The following SERGEF variants were observed in gnomAD, a reference collection of about 807,000 sequenced individuals.
SERGEF encodes the protein secretion regulating guanine nucleotide exchange factor, also known as secretion-regulating guanine nucleotide exchange factor.
A neutral mutation model predicts 50.0 loss-of-function variants in SERGEF; 51 were observed. The ratio of observed to expected loss-of-function variants is 1.02; its 90% CI spans 0.81 to 1.29. SERGEF has a LOEUF of 1.29. Among genes scored for constraint, SERGEF ranks in the 50% most tolerant of loss-of-function variants. The probability of loss-of-function intolerance (pLI) is 0.00; values close to 1 mark genes in which losing one functional copy is unlikely to be tolerated. For synonymous variants in SERGEF, 205 were observed against 212.4 expected (o/e 0.97, Z 0.30); for missense variants, 521 against 557.0 (o/e 0.94, Z 0.65).
Position 18,002,733 on chromosome 11 carries a change from T to A in SERGEF, c.447+1708A>T, listed in dbSNP as rs1195103211. Among the ~76,000 whole-genome samples, 9 of 152,324 alleles carry A rather than the reference T, an allele frequency of 5.9e-5. No homozygotes were observed. In the East Asian group the frequency reaches 1.7e-3, roughly 29 times the overall value. On this transcript the variant is annotated intron_variant, in intron 4 of 10. Coordinates refer to ENST00000265965, the MANE Select transcript of SERGEF (RefSeq NM_012139.4). ...ATGTGCCTATCATGTCCTACCAAAC[T>A]ATAAAACTCTCAACTGCTAGGACAG...
chr11:17,872,720 C>CTT (rs1851164669), intron 10 of SERGEF, among the ~76,000 whole-genome samples: 2 of 152,052 alleles, frequency 1.3e-5, no homozygotes, highest in Admixed American at 1.3e-4. Context: ...TAACAAAAGA[C>CTT]TAGAAATTAC....
intron 8 of SERGEF, among the ~76,000 whole-genome samples, chr11:17,969,642 T>C (rs1223152599): frequency 6.6e-6 from 1 of 152,094 alleles, no homozygotes; most frequent in African/African-American, 2.4e-5. Context: ...ACACAGTATG[T>C]TTTGGTAGAA....
chr11:17,999,431 T>C lies in SERGEF; in HGVS notation c.508+1066A>G, dbSNP rs191042377. ...TCAAAATAAAAAGTTGAATTTTTTT[T>C]GAAGTATAATCAATGCTAAGCCCAG... On this transcript the variant is annotated intron_variant, in intron 5 of 10. Transcript: ENST00000265965. 2.5e-5 allele frequency: 7 copies of C among 285,492 alleles called. No individual in the cohort carries two copies. In the Admixed American group the frequency reaches 3.6e-4, roughly 14 times the overall value. 17.7% of individuals were successfully genotyped at this position (285,492 alleles called of 1,614,324 possible).
intron 7 of SERGEF, among the ~76,000 whole-genome samples, 175 bp downstream of exon 7, chr11:17,992,756 C>T (rs556946362): frequency 2.6e-4 from 39 of 152,262 alleles, no homozygotes; most frequent in Non-Finnish European, 5.3e-4. Context: ...CTTTTACAGA[C>T]AAGAAGATGG....
intron 9 of SERGEF, among the ~76,000 whole-genome samples, chr11:17,895,112 T>G (rs1012222569): frequency 6.6e-6 from 1 of 152,204 alleles, no homozygotes; most frequent in African/African-American, 2.4e-5. Flanking sequence ...CAGCAGAGCT[T>G]GGCTGGGCCA....
At chr11:17,919,573 G>T (rs1156908953) in intron 9 of SERGEF, among the ~76,000 whole-genome samples, 1 of 152,156 alleles carries the variant, frequency 6.6e-6, no homozygotes, top group African/African-American at 2.4e-5. Flanking sequence ...TAGTGAAATG[G>T]AAGAGCAAGA....
chr11:17,880,439 A>G (rs2133900334), intron 9 of SERGEF, among the ~76,000 whole-genome samples: 1 of 152,340 alleles, frequency 6.6e-6, no homozygotes, highest in Admixed American at 6.5e-5. Flanking sequence ...CTGATGGACT[A>G]ATATGCAGCC....
At position 17,819,760 on chromosome 11, in the gene SERGEF, T is replaced by C. The variant is rs560238853; in HGVS notation, c.1049-31347A>G. The stretch of plus-strand genomic sequence containing the variant: ...AGACCTTCCCAGTTGTAGGCAAGCA[T>C]AGGAGCCCCTCACACATCAAAGAAC... On this transcript the variant is annotated intron_variant, in intron 10 of 10. Transcript: ENST00000265965. Among the ~76,000 whole-genome samples the C allele has an allele frequency of 3.3e-5, 5 of 152,366 alleles. No individual in the cohort carries two copies. The South Asian group carries it at 1.0e-3, about 32-fold the overall frequency.
At chr11:17,859,582 G>A (rs1850888662) in intron 10 of SERGEF, among the ~76,000 whole-genome samples, 1 of 152,070 alleles carries the variant, frequency 6.6e-6, no homozygotes, top group African/African-American at 2.4e-5. Context: ...GACTGAGAAG[G>A]CTCAATAAAT....
chr11:17,805,637 T>C (rs1849746222), intron 10 of SERGEF, among the ~76,000 whole-genome samples: 1 of 152,212 alleles, frequency 6.6e-6, no homozygotes. Context: ...ACTCCAAGCC[T>C]AGTATTCTTT....
At chr11:17,825,926 A>G (rs1182122969) in intron 10 of SERGEF, among the ~76,000 whole-genome samples, 1 of 152,200 alleles carries the variant, frequency 6.6e-6, no homozygotes, top group African/African-American at 2.4e-5. Flanking sequence ...TAAGAGAAAG[A>G]GTATGGGTTT....
At chr11:17,939,885 A>G (rs1468675558) in intron 9 of SERGEF, among the ~76,000 whole-genome samples, 1 of 152,212 alleles carries the variant, frequency 6.6e-6, no homozygotes, top group Non-Finnish European at 1.5e-5. Context: ...TCCCTTTCTC[A>G]GTCTAATGAA....
At chr11:18,012,634 C>A (rs1854220089) in intron 1 of SERGEF, 1 of 1,185,288 alleles carries the variant, frequency 8.4e-7, no homozygotes, top group African/African-American at 1.6e-5. Flanking sequence ...GCGCTGTCTT[C>A]CAGGCGCTAT....
chr11:17,789,170 G>A (rs946817701), intron 10 of SERGEF, among the ~76,000 whole-genome samples: 1 of 152,154 alleles, frequency 6.6e-6, no homozygotes, highest in Non-Finnish European at 1.5e-5. Flanking sequence ...TTCCATTCCA[G>A]TTGTCGCTCA....
Position 18,006,680 on chromosome 11 carries a change from T to C in SERGEF, c.263A>G (p.Asp88Gly), listed in dbSNP as rs370026540. ...TTTGCAGGGGGTAAAATATGGGATA[T>C]CCTCTGTGTGACCAAGCCCCAGTTG... ...DGQLGLGHTE[D>G]IPYFTPCKSL... is the part of the protein sequence containing the mutation. The change falls in exon 3 of 11, where the codon GAT (aspartate) becomes GGT (glycine). Residue 88 changes from aspartate (D) to glycine (G), a missense_variant. Transcript: ENST00000265965. 4 of 1,614,156 alleles carry C rather than the reference T, an allele frequency of 2.5e-6. No homozygotes were observed. The highest frequency in any genetic ancestry group is 3.4e-6 in the Non-Finnish European group (4 of 1,180,026).
chr11:17,997,638 G>A (rs1225402412), intron 5 of SERGEF, among the ~76,000 whole-genome samples: 1 of 152,176 alleles, frequency 6.6e-6, no homozygotes, highest in African/African-American at 2.4e-5. Flanking sequence ...AATGTCCATT[G>A]ACAGATGAAT....
At chr11:17,961,552 C>T (rs534972511) in intron 8 of SERGEF, among the ~76,000 whole-genome samples, 3 of 152,338 alleles carry the variant, frequency 2.0e-5, no homozygotes, top group South Asian at 4.1e-4. Context: ...CATCTTAGAG[C>T]TTTCCTGTTA....
intron 9 of SERGEF, among the ~76,000 whole-genome samples, chr11:17,910,409 C>A (rs1204880278): frequency 6.7e-6 from 1 of 149,084 alleles, no homozygotes; most frequent in Non-Finnish European, 1.5e-5. Flanking sequence ...CCACCACGCC[C>A]AGCTAATTAA....
intron 9 of SERGEF, among the ~76,000 whole-genome samples, chr11:17,930,609 T>C (rs1043902083): frequency 7.9e-5 from 12 of 152,116 alleles, no homozygotes; most frequent in African/African-American, 2.9e-4. Flanking sequence ...ATGCTGTCCA[T>C]AGGTAACTTA....
Sources: gnomAD v4.1 joint callset for allele counts (sites outside exome capture counted in the v4.1 genomes callset) on GRCh38, gnomAD v4.1.1 for gene constraint, MANE v1.5 for transcripts, NCBI Gene and HGNC (gene_info 2026-07-23, HGNC 2026-07-21) for gene names.